Variants in GNAQ observed in about 807,000 individuals in gnomAD.
GNAQ encodes G protein subunit alpha q, also known as guanine nucleotide-binding protein G(q) subunit alpha.
A neutral mutation model predicts 43.9 loss-of-function variants in GNAQ; 8 were observed. That is an observed-to-expected ratio of 0.18 (90% CI 0.11 to 0.33). The LOEUF is 0.33. Ranked by LOEUF, GNAQ falls within the 10% of genes least tolerant of loss-of-function variation. The probability of loss-of-function intolerance (pLI) is 1.00; values close to 1 mark genes in which losing one functional copy is unlikely to be tolerated. For missense variants in GNAQ, 158 were observed against 450.8 expected (o/e 0.35, Z 5.88); for synonymous variants, 155 against 170.7 (o/e 0.91, Z 0.71).
intron 1 of GNAQ, among the ~76,000 whole-genome samples, chr9:77,953,004 A>G (rs1298079609): frequency 6.6e-6 from 1 of 152,240 alleles, no homozygotes; most frequent in Non-Finnish European, 1.5e-5. Context: ...CTTGTTTTCA[A>G]GCTACATTAT....
intron 2 of GNAQ, among the ~76,000 whole-genome samples, chr9:77,856,394 T>C (rs536761068): frequency 1.3e-5 from 2 of 152,308 alleles, no homozygotes; most frequent in South Asian, 4.1e-4. Flanking sequence ...TATATTTCTA[T>C]AGGAAGGAAG....
intron 5 of GNAQ, among the ~76,000 whole-genome samples, chr9:77,735,835 C>T (rs996922051): frequency 6.6e-6 from 1 of 152,180 alleles, no homozygotes; most frequent in African/African-American, 2.4e-5. Context: ...TCAGTGGAAA[C>T]ATGGCTCTGT....
intron 2 of GNAQ, among the ~76,000 whole-genome samples, chr9:77,824,930 A>G (rs1827170524): frequency 6.6e-6 from 1 of 152,226 alleles, no homozygotes; most frequent in Non-Finnish European, 1.5e-5. Context: ...CATTTGATCT[A>G]AACAAAAAGT....
intron 2 of GNAQ, among the ~76,000 whole-genome samples, chr9:77,857,214 C>T (rs568335401): frequency 6.6e-6 from 1 of 152,220 alleles, no homozygotes; most frequent in Non-Finnish European, 1.5e-5. Flanking sequence ...TTGGTATTAG[C>T]ATCTTGCAAC....
intron 1 of GNAQ, among the ~76,000 whole-genome samples, chr9:77,987,575 A>C (rs1823457233): frequency 1.3e-5 from 2 of 152,140 alleles, no homozygotes; most frequent in South Asian, 4.1e-4. Context: ...CCAGAGTTCT[A>C]ATCTATACAT....
chr9:77,806,051 G>A (rs1220095864), intron 3 of GNAQ, among the ~76,000 whole-genome samples: 5 of 152,084 alleles, frequency 3.3e-5, no homozygotes, highest in Non-Finnish European at 5.9e-5. Context: ...TGCCAGGGCT[G>A]GGCTCACAGC....
intron 2 of GNAQ, among the ~76,000 whole-genome samples, chr9:77,844,774 G>A (rs559264807): frequency 3.3e-5 from 5 of 152,060 alleles, no homozygotes; most frequent in Admixed American, 3.3e-4. Context: ...CCGGGTTCAA[G>A]TGATTCTCCC....
At chr9:77,877,963 A>G (rs530065590) in intron 2 of GNAQ, among the ~76,000 whole-genome samples, 1 of 152,020 alleles carries the variant, frequency 6.6e-6, no homozygotes, top group Admixed American at 6.6e-5. Context: ...CCCTAACACC[A>G]TTTGCTTCCC....
chr9:77,873,029 T>C (rs1372117081), intron 2 of GNAQ, among the ~76,000 whole-genome samples: 1 of 152,212 alleles, frequency 6.6e-6, no homozygotes, highest in Non-Finnish European at 1.5e-5. Context: ...AGCAAGCGAA[T>C]TTGTTTCGCT....
chr9:77,780,278 C>CT (rs1007238737), intron 5 of GNAQ, among the ~76,000 whole-genome samples: 1 of 151,888 alleles, frequency 6.6e-6, no homozygotes, highest in East Asian at 1.9e-4. Flanking sequence ...TCCCCATACC[C>CT]TTCTCAGCCT....
chr9:78,005,723 A>T (rs538604988), intron 1 of GNAQ, among the ~76,000 whole-genome samples: 1 of 151,934 alleles, frequency 6.6e-6, no homozygotes, highest in South Asian at 2.1e-4. Flanking sequence ...AGCCCAGAGC[A>T]CTCCACCTTA....
chr9:77,797,848 A>T (rs1826681470), intron 3 of GNAQ, among the ~76,000 whole-genome samples, 200 bp from the exon 4 acceptor site: 1 of 152,202 alleles, frequency 6.6e-6, no homozygotes, highest in African/African-American at 2.4e-5. Context: ...TATGGATTAC[A>T]TACACACCAT....
In GNAQ at chr9:77,931,465, C is replaced by T. The variant is rs1829149103; in HGVS notation, c.137-9120G>A. Among the ~76,000 whole-genome samples the T allele has an allele frequency of 2.6e-5, 4 of 152,032 alleles. No individual in the cohort carries two copies. In the South Asian group the frequency reaches 8.3e-4, roughly 32 times the overall value. On this transcript the variant is annotated intron_variant, in intron 1 of 6. Coordinates refer to ENST00000286548, the MANE Select transcript of GNAQ (RefSeq NM_002072.5). ...AATTAGCCAGGCATGGTGGCAAGCA[C>T]CTGTGGTCCCAGCTACTCAGGAGGC... is the stretch of plus-strand genomic sequence containing the variant.
intron 5 of GNAQ, among the ~76,000 whole-genome samples, chr9:77,756,168 G>T (rs1350388702): frequency 6.6e-6 from 1 of 152,210 alleles, no homozygotes; most frequent in Admixed American, 6.5e-5. Context: ...TTGCTCCTCA[G>T]CTTGCAGGTG....
rs911935862 is a variant in GNAQ, at chr9:77,885,445, GCA to G, written c.321+36714_321+36715del. ...TTCTATTTGTTAAGGGGAGAAAAAA[GCA>G]AACACATACCAACAGGGTCGGCCCT... On this transcript the variant is annotated intron_variant, in intron 2 of 6. Coordinates refer to ENST00000286548, the MANE Select transcript of GNAQ (RefSeq NM_002072.5). Among the ~76,000 whole-genome samples the G allele has an allele frequency of 1.8e-3, 270 of 152,306 alleles. 1 individual carries two copies. The highest frequency in any genetic ancestry group is 6.4e-3 in the African/African-American group (264 of 41,568).
chr9:78,018,871 G>C (rs927493931), intron 1 of GNAQ, among the ~76,000 whole-genome samples: 11 of 152,112 alleles, frequency 7.2e-5, no homozygotes, highest in Admixed American at 2.6e-4. Flanking sequence ...GTAAGGACTA[G>C]GCATGCACAA....
intron 1 of GNAQ, among the ~76,000 whole-genome samples, chr9:77,923,948 A>T (rs954393800): frequency 6.6e-6 from 1 of 152,150 alleles, no homozygotes; most frequent in South Asian, 2.1e-4. Context: ...ACAAAATTTC[A>T]ATTAAGTATT....
chr9:77,964,657 C>G (rs1156540145), intron 1 of GNAQ, among the ~76,000 whole-genome samples: 1 of 144,428 alleles, frequency 6.9e-6, no homozygotes, highest in South Asian at 2.4e-4. Flanking sequence ...TATCTGCAAA[C>G]TAAAAATAAA....
intron 1 of GNAQ, among the ~76,000 whole-genome samples, chr9:77,995,118 A>T (rs1373388758): frequency 6.6e-6 from 1 of 152,204 alleles, no homozygotes; most frequent in East Asian, 1.9e-4. Flanking sequence ...ACCATGTGCC[A>T]AATTCTAAGT....
Sources: gnomAD v4.1 joint callset for allele counts (sites outside exome capture counted in the v4.1 genomes callset) on GRCh38, gnomAD v4.1.1 for gene constraint, MANE v1.5 for transcripts, NCBI Gene and HGNC (gene_info 2026-07-23, HGNC 2026-07-21) for gene names.